PPCDC: variants seen among roughly 807,000 people sequenced by gnomAD.
The protein encoded by PPCDC is phosphopantothenoylcysteine decarboxylase.
A neutral mutation model predicts 20.7 loss-of-function variants in PPCDC; 20 were observed. The observed-to-expected ratio is 0.97, with a 90% CI of 0.68 to 1.41. The LOEUF (loss-of-function observed/expected upper bound fraction) is 1.41. Ranked by LOEUF, PPCDC falls within the 40% of genes most tolerant of loss-of-function variation. PPCDC has a pLI of 0.00. For synonymous variants in PPCDC, 88 were observed against 100.3 expected (o/e 0.88, Z 0.73); for missense variants, 246 against 263.8 (o/e 0.93, Z 0.47).
chr15:75,036,915 C>A (rs2066092038), intron 2 of PPCDC, among the ~76,000 whole-genome samples: 1 of 152,094 alleles, frequency 6.6e-6, no homozygotes, highest in South Asian at 2.1e-4. Flanking sequence ...AAGCAATCCG[C>A]CCGTCTCTGC....
chr15:75,047,072 C>T (rs555325995), intron 4 of PPCDC, among the ~76,000 whole-genome samples: 127 of 152,326 alleles, frequency 8.3e-4, no homozygotes, highest in African/African-American at 2.9e-3. Flanking sequence ...TGCCTGCTTT[C>T]GTGGGTTCAG....
In PPCDC at chr15:75,043,522, G is replaced by A. The variant is rs145355117; in HGVS notation, c.217G>A (p.Ala73Thr). The change falls in exon 3 of 6, where the codon GCT becomes ACT. Residue 73 changes from alanine (A) to threonine (T), a missense_variant. Transcript: ENST00000342932. ...CATTCCTGTCACCCTCTACAGCGACGCTGATGAATGGGAGGTCAGTGCTGG... is the reference window on the plus strand; with the variant it reads ...CATTCCTGTCACCCTCTACAGCGACACTGATGAATGGGAGGTCAGTGCTGG... ...QDIPVTLYSD[A>T]DEWEIWKSRS... 1.9e-5 allele frequency: 30 copies of A among 1,609,844 alleles called. No individual in the cohort carries two copies. Among genetic ancestry groups the A allele is most frequent in the Non-Finnish European group, 2.5e-5 (29 of 1,177,956 alleles).
chr15:75,035,693 G>A (rs866381862), intron 2 of PPCDC, among the ~76,000 whole-genome samples: 27 of 152,184 alleles, frequency 1.8e-4, no homozygotes, highest in African/African-American at 5.3e-4. Flanking sequence ...TAGGCTGAGC[G>A]TGGTGGTTCA....
At chr15:75,034,425 G>A (rs1434550869) in intron 2 of PPCDC, among the ~76,000 whole-genome samples, 1 of 152,170 alleles carries the variant, frequency 6.6e-6, no homozygotes, top group Non-Finnish European at 1.5e-5. Context: ...CCATATAAGA[G>A]GCTTAGTAAA....
At chr15:75,048,355 T>C (rs1292448533) in intron 4 of PPCDC, among the ~76,000 whole-genome samples, 198 bp from the exon 5 acceptor site, 3 of 152,156 alleles carry the variant, frequency 2.0e-5, no homozygotes, top group Non-Finnish European at 4.4e-5. Context: ...TAGGATCCTG[T>C]GCCAGAGCCT....
At chr15:75,047,770 A>G (rs775881277) in intron 4 of PPCDC, among the ~76,000 whole-genome samples, 2 of 152,118 alleles carry the variant, frequency 1.3e-5, no homozygotes, top group Non-Finnish European at 2.9e-5. Context: ...CCAGGTTCTC[A>G]CAGCTAGTAA....
At chr15:75,025,764 G>A (rs1476114185) in intron 1 of PPCDC, among the ~76,000 whole-genome samples, 1 of 152,140 alleles carries the variant, frequency 6.6e-6, no homozygotes, top group Non-Finnish European at 1.5e-5. Context: ...AACAGGTTCT[G>A]GTTACAGTAA....
intron 2 of PPCDC, among the ~76,000 whole-genome samples, chr15:75,036,910 A>G (rs942725344): frequency 3.3e-5 from 5 of 152,024 alleles, no homozygotes; most frequent in Non-Finnish European, 5.9e-5. Flanking sequence ...AGCTCAAGCA[A>G]TCCGCCCGTC....
chr15:75,036,791 AT>A (rs2066090227), intron 2 of PPCDC, among the ~76,000 whole-genome samples: 1 of 152,226 alleles, frequency 6.6e-6, no homozygotes, highest in Non-Finnish European at 1.5e-5. Context: ...GGCATTACCA[AT>A]TTGGGGATGA....
At chr15:75,045,629 T>C (rs2141500554) in intron 4 of PPCDC, among the ~76,000 whole-genome samples, 1 of 152,284 alleles carries the variant, frequency 6.6e-6, no homozygotes, top group Non-Finnish European at 1.5e-5. Flanking sequence ...TCAAAGAATC[T>C]GCCAGTGATT....
At position 75,044,507 on chromosome 15, in the gene PPCDC, A is replaced by G. The variant is rs1366802256; in HGVS notation, c.353A>G (p.Asn118Ser). ...AAGGTGGCCAGTGGCATCTGTGACA[A>G]CTTGCTTGTGAGTGATGTCCTGGTG... ...LGKVASGICD[N>S]LLTCVMRAWD... The change falls in exon 4 of 6, where the codon AAC becomes AGC. Residue 118 changes from asparagine (N) to serine (S), a missense_variant. Asn to Ser is a conservative substitution (Grantham distance 46, BLOSUM62 1). Coordinates refer to ENST00000342932, the MANE Select transcript of PPCDC (RefSeq NM_021823.5). The G allele has an allele frequency of 6.2e-7, 1 of 1,613,838 alleles. No homozygotes were observed. The highest frequency in any genetic ancestry group is 8.5e-7 in the Non-Finnish European group (1 of 1,179,808).
chr15:75,024,457 C>T (rs1354884021), intron 1 of PPCDC, among the ~76,000 whole-genome samples: 2 of 151,702 alleles, frequency 1.3e-5, no homozygotes, highest in Non-Finnish European at 2.9e-5. Context: ...AAGGGATCCT[C>T]CTGCCTCAGC....
At chr15:75,045,283 A>T (rs1418715275) in intron 4 of PPCDC, 6 of 152,344 alleles carry the variant, frequency 3.9e-5, no homozygotes, top group African/African-American at 1.4e-4. Flanking sequence ...GCCTCACAGG[A>T]CACAGGGAGC....
intron 1 of PPCDC, among the ~76,000 whole-genome samples, chr15:75,025,025 C>G (rs1034949102): frequency 1.3e-5 from 2 of 152,142 alleles, no homozygotes; most frequent in Admixed American, 1.3e-4. Flanking sequence ...TCAAGCGATC[C>G]TCCTGCCTCA....
intron 4 of PPCDC, among the ~76,000 whole-genome samples, chr15:75,047,580 CG>C (rs1286711904): frequency 6.6e-6 from 1 of 152,156 alleles, no homozygotes; most frequent in Non-Finnish European, 1.5e-5. Context: ...CTCCCCCAGG[CG>C]GCCCCCAGCC....
intron 2 of PPCDC, among the ~76,000 whole-genome samples, chr15:75,029,552 C>A (rs1223913169): frequency 6.6e-6 from 1 of 152,154 alleles, no homozygotes; most frequent in African/African-American, 2.4e-5. Flanking sequence ...CACCAACTTC[C>A]ACCCAGAAAG....
At position 75,048,686 on chromosome 15, in the gene PPCDC, C is replaced by A; in HGVS notation, c.494C>A (p.Pro165His). The A allele has an allele frequency of 6.2e-7, 1 of 1,614,192 alleles. No homozygotes were observed. Among genetic ancestry groups the A allele is most frequent in the South Asian group, 1.1e-5 (1 of 91,086 alleles). Reference sequence around the variant, plus strand: ...AAGGCCTTTGGCTATGTCGAGATCCCCTGTGTGGCCAAGAAGCTGGTGTGC... The same window carrying A: ...AAGGCCTTTGGCTATGTCGAGATCCACTGTGTGGCCAAGAAGCTGGTGTGC... ...QLKAFGYVEI[P>H]CVAKKLVCGD... Residue 165 changes from proline (P) to histidine (H), a missense_variant, in exon 5 of 6, where the codon CCC (proline) becomes CAC (histidine). Physicochemically the swap from Pro to His is moderately conservative, Grantham distance 77. Around this residue, in one of 2 missense-constraint regions of PPCDC, gnomAD observed 225 missense variants for 222.6 expected, o/e 1.01. Transcript: ENST00000342932.
At chr15:75,033,399 G>A (rs1215046544) in intron 2 of PPCDC, among the ~76,000 whole-genome samples, 1 of 152,198 alleles carries the variant, frequency 6.6e-6, no homozygotes, top group East Asian at 1.9e-4. Flanking sequence ...TTTTCCTCTG[G>A]AGGTGGTTAC....
At position 75,044,409 on chromosome 15, in the gene PPCDC, A is replaced by C; in HGVS notation, c.255A>C (p.Pro85=). Residue 85 remains proline (P), a synonymous_variant, in exon 4 of 6, where the codon CCA becomes CCC. Coordinates refer to ENST00000342932, the MANE Select transcript of PPCDC (RefSeq NM_021823.5). ...EWEIWKSRSD[P]VLHIDLRRWA... The stretch of plus-strand genomic sequence containing the variant: ...AGATATGGAAGAGCCGCTCTGACCC[A>C]GTTCTGCACATTGACCTGCGGAGGT... 1 of 1,614,042 alleles carries C rather than the reference A, an allele frequency of 6.2e-7. No individual in the cohort carries two copies. The highest frequency in any genetic ancestry group is 1.6e-4 in the Middle Eastern group (1 of 6,062).
Sources: gnomAD v4.1 joint callset for allele counts (sites outside exome capture counted in the v4.1 genomes callset) on GRCh38, gnomAD v4.1.1 for gene constraint, gnomAD v4.1.1 regional missense constraint, MANE v1.5 for transcripts, NCBI Gene and HGNC (gene_info 2026-07-23, HGNC 2026-07-21) for gene names.